The following PSMD1 variants were observed in gnomAD, a reference collection of about 807,000 sequenced individuals.
PSMD1 encodes the protein 26S proteasome non-ATPase regulatory subunit 1.
In PSMD1, 18 loss-of-function variants were observed where a neutral mutation model predicts 119.0. That is an observed-to-expected ratio of 0.15 (90% CI 0.10 to 0.22). The LOEUF (loss-of-function observed/expected upper bound fraction) is 0.22. Among genes scored for constraint, PSMD1 ranks in the 10% least tolerant of loss-of-function variants. The pLI is 1.00. For missense variants in PSMD1, 702 were observed against 1,158.5 expected (o/e 0.61, Z 5.72); for synonymous variants, 374 against 396.6 (o/e 0.94, Z 0.68).
intron 16 of PSMD1, among the ~76,000 whole-genome samples, chr2:231,112,538 G>A (rs960527168): frequency 6.6e-6 from 1 of 152,120 alleles, no homozygotes; most frequent in Non-Finnish European, 1.5e-5. Context: ...CTTTCTTGCT[G>A]TTTTTGCCCC....
intron 12 of PSMD1, among the ~76,000 whole-genome samples, chr2:231,080,675 A>T (rs1306413350): frequency 6.6e-6 from 1 of 152,162 alleles, no homozygotes; most frequent in Admixed American, 6.5e-5. Context: ...GCTTGTTTTG[A>T]TCTTTGATAA....
intron 1 of PSMD1, among the ~76,000 whole-genome samples, chr2:231,058,369 A>T (rs575637840): frequency 6.6e-6 from 1 of 152,192 alleles, no homozygotes; most frequent in Non-Finnish European, 1.5e-5. Flanking sequence ...CTTGTGGACT[A>T]TGCTTTTTAA....
intron 18 of PSMD1, among the ~76,000 whole-genome samples, chr2:231,150,251 G>A (rs1357287661): frequency 6.6e-6 from 1 of 152,012 alleles, no homozygotes; most frequent in African/African-American, 2.4e-5. Flanking sequence ...GGAGGCTGAG[G>A]CAGGAGAATC....
At chr2:231,149,223 A>G (rs1230182489) in intron 18 of PSMD1, among the ~76,000 whole-genome samples, 1 of 152,230 alleles carries the variant, frequency 6.6e-6, no homozygotes, top group East Asian at 1.9e-4. Context: ...TCACAAACAT[A>G]AACCCAGGAA....
intron 19 of PSMD1, among the ~76,000 whole-genome samples, chr2:231,155,537 T>G (rs1478524831): frequency 2.6e-5 from 4 of 151,986 alleles, no homozygotes. Context: ...CTTTCTAATT[T>G]GATTAATCCT....
At chr2:231,161,542 T>G in intron 20 of PSMD1, 33 bp downstream of exon 20, 1 of 1,573,416 alleles carries the variant, frequency 6.4e-7, no homozygotes, top group South Asian at 1.2e-5. Context: ...TTGTAGTATT[T>G]CCTGTTCACC....
At position 231,080,260 on chromosome 2, in the gene PSMD1, T is replaced by C; in HGVS notation, c.1359T>C (p.His453=). 1.2e-6 allele frequency: 2 copies of C among 1,613,096 alleles called. No individual in the cohort carries two copies. The highest frequency in any genetic ancestry group is 1.7e-6 in the Non-Finnish European group (2 of 1,179,146). Residue 453 remains histidine (H), a synonymous_variant, in exon 12 of 25, where the codon CAT becomes CAC. Transcript: ENST00000308696. ...CACTAGGTCTTATTCATGCCAATCA[T>C]GGTGGTGATATAATTGACTATCTGC... ...LYALGLIHAN[H]GGDIIDYLLN... is the part of the protein sequence containing the mutation.
At chr2:231,119,588 T>C (rs1695459618) in intron 16 of PSMD1, among the ~76,000 whole-genome samples, 1 of 152,126 alleles carries the variant, frequency 6.6e-6, no homozygotes, top group Non-Finnish European at 1.5e-5. Flanking sequence ...ACTTAAGTTA[T>C]AGCCAGGTTT....
At position 231,058,392 on chromosome 2, in the gene PSMD1, A is replaced by G. The variant is rs138561263; in HGVS notation, c.16+1351A>G. 5.6e-4 allele frequency among the ~76,000 whole-genome samples: 86 copies of G among 152,340 alleles called. 1 individual carries two copies. The highest frequency in any genetic ancestry group is 4.8e-3 in the Admixed American group (73 of 15,308). The stretch of plus-strand genomic sequence containing the variant: ...CTATGCTTTTTAAAACTTTAATCAC[A>G]TAATACTTCTTTGCTTACAATCCAC... On this transcript the variant is annotated intron_variant, in intron 1 of 24. Coordinates refer to ENST00000308696, the MANE Select transcript of PSMD1 (RefSeq NM_002807.4).
intron 4 of PSMD1, among the ~76,000 whole-genome samples, chr2:231,063,522 G>A (rs1165855745): frequency 6.6e-6 from 1 of 152,230 alleles, no homozygotes; most frequent in Non-Finnish European, 1.5e-5. Context: ...ACACTTACAA[G>A]GAGGAAGTTG....
At chr2:231,138,051 A>G (rs781454397) in intron 16 of PSMD1, among the ~76,000 whole-genome samples, 17 of 152,202 alleles carry the variant, frequency 1.1e-4, no homozygotes, top group Non-Finnish European at 2.1e-4. Context: ...ATTCTCTTCT[A>G]GTTATTACCC....
At chr2:231,059,103 T>C (rs1448055790) in intron 1 of PSMD1, among the ~76,000 whole-genome samples, 1 of 152,198 alleles carries the variant, frequency 6.6e-6, no homozygotes, top group Non-Finnish European at 1.5e-5. Context: ...CCTTGAGTTT[T>C]TAAAGTAGAG....
intron 8 of PSMD1, among the ~76,000 whole-genome samples, chr2:231,075,779 C>T (rs1469716834): frequency 6.6e-6 from 1 of 152,052 alleles, no homozygotes; most frequent in African/African-American, 2.4e-5. Context: ...AGACAGGGTT[C>T]GCTGTGTTGC....
chr2:231,083,430 A>G (rs979352642), intron 13 of PSMD1, 137 bp from the exon 14 acceptor site: 3 of 805,086 alleles, frequency 3.7e-6, no homozygotes, highest in African/African-American at 3.5e-5. Context: ...CCTTTTTACC[A>G]GGTGGTTTAA....
intron 12 of PSMD1, among the ~76,000 whole-genome samples, chr2:231,081,372 TAAG>T (rs1694305971): frequency 6.6e-6 from 1 of 152,130 alleles, no homozygotes; most frequent in African/African-American, 2.4e-5. Context: ...CTAACTTGAA[TAAG>T]AAGTTTATTG....
chr2:231,107,148 T>A (rs1694996739), intron 16 of PSMD1, among the ~76,000 whole-genome samples: 1 of 152,204 alleles, frequency 6.6e-6, no homozygotes, highest in Non-Finnish European at 1.5e-5. Flanking sequence ...TATGATATAC[T>A]CTTCCCAGCA....
At chr2:231,157,463 T>C (rs1036585592) in intron 19 of PSMD1, among the ~76,000 whole-genome samples, 4 of 151,068 alleles carry the variant, frequency 2.6e-5, no homozygotes, top group African/African-American at 7.3e-5. Flanking sequence ...CTTTTTTTGT[T>C]TGGGGCTTTT....
intron 11 of PSMD1, 142 bp downstream of exon 11, chr2:231,079,756 T>A: frequency 3.6e-6 from 2 of 551,640 alleles, no homozygotes; most frequent in Non-Finnish European, 6.3e-6. Flanking sequence ...AAGGCTAAAG[T>A]AAATAAGATA....
At chr2:231,065,395 C>A (rs1360027615) in intron 4 of PSMD1, among the ~76,000 whole-genome samples, 1 of 151,576 alleles carries the variant, frequency 6.6e-6, no homozygotes, top group Non-Finnish European at 1.5e-5. Flanking sequence ...CGGGTTCACG[C>A]CATTCTCCTG....
Sources: allele counts gnomAD v4.1 joint callset (sites outside exome capture counted in the v4.1 genomes callset), GRCh38; gene constraint gnomAD v4.1.1; transcripts MANE v1.5; gene names NCBI Gene and HGNC (gene_info 2026-07-23, HGNC 2026-07-21).